The following ADIPOR2 variants were observed in gnomAD, a reference collection of about 807,000 sequenced individuals.
The protein encoded by ADIPOR2 is adiponectin receptor 2, also known as adiponectin receptor protein 2.
Under a neutral mutation model 40.9 loss-of-function variants are expected in ADIPOR2, and 18 were observed. The ratio of observed to expected loss-of-function variants is 0.44; its 90% CI spans 0.30 to 0.65. The LOEUF is 0.65. Ranked by LOEUF, ADIPOR2 falls within the 30% of genes least tolerant of loss-of-function variation. The pLI is 0.09. For missense variants in ADIPOR2, 283 were observed against 479.2 expected, an observed-to-expected ratio of 0.59 and a Z score of 3.82; for synonymous variants, 165 against 166.4, an observed-to-expected ratio of 0.99 and a Z score of 0.06.
intron 1 of ADIPOR2, among the ~76,000 whole-genome samples, chr12:1,729,617 G>GTTTT (rs56921758): frequency 0.011 from 1,000 of 88,392 alleles, 13 homozygotes; most frequent in African/African-American, 0.025. Context: ...TCAGCCAGTT[G>GTTTT]TTTTTTTTTT....
chr12:1,778,985 C>T (rs1862657406), intron 4 of ADIPOR2, among the ~76,000 whole-genome samples: 1 of 152,164 alleles, frequency 6.6e-6, no homozygotes, highest in South Asian at 2.1e-4. Context: ...TGAGAAATCT[C>T]AACACTTCAC....
chr12:1,754,112 T>A (rs1862061148), intron 1 of ADIPOR2, 146 bp from the exon 2 acceptor site: 1 of 367,526 alleles, frequency 2.7e-6, no homozygotes, highest in Admixed American at 4.6e-5. Flanking sequence ...TTTGGCTATA[T>A]TCCCTGTCAA....
chr12:1,738,522 T>A (rs753946774), intron 1 of ADIPOR2, among the ~76,000 whole-genome samples: 4 of 152,250 alleles, frequency 2.6e-5, no homozygotes, highest in Non-Finnish European at 5.9e-5. Context: ...TCCTTCTTCC[T>A]ATTTTTTTCT....
intron 1 of ADIPOR2, among the ~76,000 whole-genome samples, chr12:1,748,836 C>T (rs753125077): frequency 3.8e-4 from 57 of 151,796 alleles, no homozygotes; most frequent in Non-Finnish European, 6.8e-4. Flanking sequence ...GGTTGTTTTC[C>T]CCACACACCA....
chr12:1,773,113 C>T (rs1276634258), intron 3 of ADIPOR2, 152 bp downstream of exon 3: 3 of 955,340 alleles, frequency 3.1e-6, no homozygotes, highest in Non-Finnish European at 4.4e-6. Context: ...GGACTCTAAT[C>T]CTGTTGAAGA....
chr12:1,744,355 C>G (rs1023747815), intron 1 of ADIPOR2, among the ~76,000 whole-genome samples: 1 of 152,178 alleles, frequency 6.6e-6, no homozygotes, highest in Non-Finnish European at 1.5e-5. Context: ...CTGCCCGTCT[C>G]GGCCTCCCAA....
chr12:1,736,764 C>T (rs567250363), intron 1 of ADIPOR2, among the ~76,000 whole-genome samples: 50 of 152,282 alleles, frequency 3.3e-4, no homozygotes, highest in African/African-American at 1.2e-3. Flanking sequence ...CTATAAATTT[C>T]CCTCTACACA....
Position 1,754,696 on chromosome 12 carries a change from TTATTACTAC to T in ADIPOR2, c.171+185_171+193del, listed in dbSNP as rs1211762316. On this transcript the variant is annotated intron_variant, in intron 2 of 7. Coordinates refer to ENST00000357103, the MANE Select transcript of ADIPOR2 (RefSeq NM_024551.3). ...TTGAAGTCTCTTATCTTTATTATTA[TTATTACTAC>T]TACTACTACTACTACTACTACTACT... Among the ~76,000 whole-genome samples the T allele has an allele frequency of 9.9e-3, 595 of 60,192 alleles. 2 individuals are homozygous for T. The highest frequency in any genetic ancestry group is 0.023 in the African/African-American group (531 of 22,878). The allele number at this position is 60,192 out of a possible 152,430, so 39.5% of individuals were successfully genotyped here. A position where few individuals can be genotyped will look rare whatever the true frequency, so the allele number is the denominator to read the frequency against.
At chr12:1,770,050 T>G (rs907861823) in intron 2 of ADIPOR2, among the ~76,000 whole-genome samples, 1 of 152,022 alleles carries the variant, frequency 6.6e-6, no homozygotes, top group Non-Finnish European at 1.5e-5. Context: ...CTTGAGTAGC[T>G]GGGACTGCAG....
At chr12:1,691,548 G>T (rs2094627060) in intron 1 of ADIPOR2, among the ~76,000 whole-genome samples, 1 of 152,212 alleles carries the variant, frequency 6.6e-6, no homozygotes, top group Non-Finnish European at 1.5e-5. Context: ...CCCTGCCCGC[G>T]GAGAGGATCT....
intron 6 of ADIPOR2, among the ~76,000 whole-genome samples, chr12:1,782,512 A>AT (rs548032711): frequency 3.3e-5 from 5 of 151,644 alleles, no homozygotes; most frequent in East Asian, 3.9e-4. Flanking sequence ...TGGACTTCAC[A>AT]TTTTTTTTTC....
intron 3 of ADIPOR2, among the ~76,000 whole-genome samples, chr12:1,773,535 T>C (rs77409326): frequency 1.7e-5 from 2 of 119,572 alleles, no homozygotes; most frequent in African/African-American, 2.9e-5. Flanking sequence ...TTTTTTTTTT[T>C]CTAAAATAGT....
At chr12:1,727,461 A>C (rs1475344821) in intron 1 of ADIPOR2, among the ~76,000 whole-genome samples, 4 of 152,174 alleles carry the variant, frequency 2.6e-5, no homozygotes, top group African/African-American at 9.6e-5. Context: ...CACTCATTGC[A>C]TGTATAATTA....
At chr12:1,750,344 AGTT>A (rs2094766336) in intron 1 of ADIPOR2, among the ~76,000 whole-genome samples, 1 of 149,890 alleles carries the variant, frequency 6.7e-6, no homozygotes, top group Non-Finnish European at 1.5e-5. Flanking sequence ...GGATCACTTG[AGTT>A]CAGGAGTTCA....
intron 1 of ADIPOR2, among the ~76,000 whole-genome samples, chr12:1,718,772 C>CA (rs1346073113): frequency 6.6e-6 from 1 of 152,124 alleles, no homozygotes; most frequent in Non-Finnish European, 1.5e-5. Flanking sequence ...CTTTTTCCCT[C>CA]AACTCTACCT....
intron 1 of ADIPOR2, among the ~76,000 whole-genome samples, chr12:1,693,714 T>C (rs377569821): frequency 3.4e-4 from 51 of 152,048 alleles, no homozygotes; most frequent in African/African-American, 1.2e-3. Context: ...TTTTTTTGTA[T>C]TTTTAGTAGA....
rs1355179332 is a variant in ADIPOR2, at chr12:1,786,678, AAGTGACTGT to A, written c.*609_*617del. 1 of 152,866 alleles carries A rather than the reference AAGTGACTGT, an allele frequency of 6.5e-6. No individual in the cohort carries two copies. The highest frequency in any genetic ancestry group is 1.5e-5 in the Non-Finnish European group (1 of 68,198). The allele number at this position is 152,866 out of a possible 1,614,324, so 9.5% of individuals were successfully genotyped here. Reference sequence around the variant, plus strand: ...ACACACTGTTTGAATTTTGCACAAAAAGTGACTGTAGGATCAGGTGATAGCCCCGGAATG... The same window carrying A: ...ACACACTGTTTGAATTTTGCACAAAAAGGATCAGGTGATAGCCCCGGAATG... On this transcript the variant is annotated 3_prime_UTR_variant, in exon 8 of 8. Coordinates refer to ENST00000357103, the MANE Select transcript of ADIPOR2 (RefSeq NM_024551.3).
At chr12:1,773,054 G>A (rs773936754) in intron 3 of ADIPOR2, 93 bp downstream of exon 3, 7 of 1,432,402 alleles carry the variant, frequency 4.9e-6, no homozygotes, top group Non-Finnish European at 6.5e-6. Context: ...ATAGCCTTTG[G>A]TTTGCTTTGG....
At chr12:1,736,318 C>G (rs2094730527) in intron 1 of ADIPOR2, among the ~76,000 whole-genome samples, 1 of 152,134 alleles carries the variant, frequency 6.6e-6, no homozygotes, top group Non-Finnish European at 1.5e-5. Flanking sequence ...CTGGTTTAGT[C>G]TTGGGAGGGT....
Sources: allele counts gnomAD v4.1 joint callset (sites outside exome capture counted in the v4.1 genomes callset), GRCh38; gene constraint gnomAD v4.1.1; transcripts MANE v1.5; gene names NCBI Gene and HGNC (gene_info 2026-07-23, HGNC 2026-07-21).